The following DNAH6 variants were observed in gnomAD, a reference collection of about 807,000 sequenced individuals.
DNAH6 encodes dynein axonemal heavy chain 6.
A neutral mutation model predicts 491.4 loss-of-function variants in DNAH6; 340 were observed. The observed-to-expected ratio is 0.69, with a 90% CI of 0.63 to 0.76. DNAH6 has a LOEUF of 0.76. Among genes scored for constraint, DNAH6 ranks in the 30% least tolerant of loss-of-function variants. The pLI is 0.00. For synonymous variants in DNAH6, 1,603 were observed against 1,686.1 expected (o/e 0.95, Z 1.21); for missense variants, 4,443 against 4,972.2 (o/e 0.89, Z 3.20).
At chr2:84,728,060 G>A (rs1368650714) in intron 61 of DNAH6, among the ~76,000 whole-genome samples, 158 bp downstream of exon 61, 3 of 152,174 alleles carry the variant, frequency 2.0e-5, no homozygotes, top group African/African-American at 7.2e-5. Flanking sequence ...TACTGTTCTC[G>A]TGGTAGTGAA....
chr2:84,570,776 G>A (rs1681730944), intron 11 of DNAH6, among the ~76,000 whole-genome samples: 1 of 152,102 alleles, frequency 6.6e-6, no homozygotes, highest in Non-Finnish European at 1.5e-5. Flanking sequence ...CAACCCACTC[G>A]GGTCCCCTTC....
At chr2:84,565,418 T>C (rs1681096432) in intron 11 of DNAH6, among the ~76,000 whole-genome samples, 1 of 151,902 alleles carries the variant, frequency 6.6e-6, no homozygotes, top group Non-Finnish European at 1.5e-5. Context: ...TCTGGTTCAG[T>C]CTTGGCAGGT....
chr2:84,815,941 A>T lies in DNAH6; in HGVS notation c.12231A>T (p.Ile4077=). The part of the protein sequence containing the change: ...ASRWDDKEMV[I]EDALPGQMNP... Reference sequence around the variant, plus strand: ...GATGGGATGATAAGGAGATGGTGATAGAAGATGCATTGCCCGGACAGATGA... The same window carrying T: ...GATGGGATGATAAGGAGATGGTGATTGAAGATGCATTGCCCGGACAGATGA... The change falls in exon 76 of 77, where the codon ATA becomes ATT. Residue 4077 remains isoleucine, a synonymous_variant. Coordinates refer to ENST00000389394, the MANE Select transcript of DNAH6 (RefSeq NM_001370.2). The T allele has an allele frequency of 6.4e-7, 1 of 1,551,902 alleles. No individual in the cohort carries two copies.
chr2:84,489,966 A>ATT, the DNAH6 span, among the ~76,000 whole-genome samples: 1 of 152,226 alleles, frequency 6.6e-6, no homozygotes, highest in Non-Finnish European at 1.5e-5. Flanking sequence ...CACTATCAAC[A>ATT]GATGCTTGAA....
At chr2:84,658,574 T>A (rs1369256130) in intron 36 of DNAH6, 100 bp downstream of exon 36, 6 of 891,188 alleles carry the variant, frequency 6.7e-6, no homozygotes, top group African/African-American at 1.7e-5. Flanking sequence ...AACCATTTGA[T>A]TTTTAAGTTA....
chr2:84,760,879 G>A (rs1674512911), intron 63 of DNAH6, among the ~76,000 whole-genome samples: 1 of 152,118 alleles, frequency 6.6e-6, no homozygotes, highest in Non-Finnish European at 1.5e-5. Context: ...CTGAAGTGCT[G>A]GGATTACAGG....
intron 33 of DNAH6, among the ~76,000 whole-genome samples, chr2:84,642,316 A>C (rs1396090452): frequency 6.6e-6 from 1 of 152,208 alleles, no homozygotes; most frequent in Non-Finnish European, 1.5e-5. Flanking sequence ...TAAGTTCCTG[A>C]CCTAAGAGAA....
chr2:84,489,806 T>TA, the DNAH6 span, among the ~76,000 whole-genome samples: 1 of 152,162 alleles, frequency 6.6e-6, no homozygotes, highest in African/African-American at 2.4e-5. Flanking sequence ...GAAGACTTGT[T>TA]AAAAAATGGG....
chr2:84,803,890 A>G (rs1257839818), intron 70 of DNAH6, among the ~76,000 whole-genome samples: 2 of 152,314 alleles, frequency 1.3e-5, no homozygotes, highest in Non-Finnish European at 1.5e-5. Flanking sequence ...TGAAATTCAT[A>G]CAAACATATT....
chr2:84,548,466 T>C (rs1311474214), intron 8 of DNAH6, 49 bp downstream of exon 8: 1 of 1,606,702 alleles, frequency 6.2e-7, no homozygotes, highest in Non-Finnish European at 8.5e-7. Flanking sequence ...CATCTTAAGC[T>C]GCATTAAAAA....
chr2:84,584,573 G>A (rs1683351528), intron 15 of DNAH6: 1 of 223,732 alleles, frequency 4.5e-6, no homozygotes, highest in Non-Finnish European at 8.9e-6. Context: ...AAAAATTAAT[G>A]TTTCAAAATC....
intron 49 of DNAH6, among the ~76,000 whole-genome samples, chr2:84,701,885 T>G (rs150250547): frequency 6.6e-6 from 1 of 152,310 alleles, no homozygotes; most frequent in African/African-American, 2.4e-5. Flanking sequence ...CATGTGCCCC[T>G]GACAACCTAA....
intron 69 of DNAH6, 113 bp from the exon 70 acceptor site, chr2:84,797,424 A>T: frequency 2.0e-6 from 2 of 990,478 alleles, no homozygotes; most frequent in Non-Finnish European, 2.9e-6. Context: ...CCCCCTTTCT[A>T]CATGAGCCAG....
At chr2:84,683,959 G>A (rs148778928) in intron 42 of DNAH6, among the ~76,000 whole-genome samples, 127 of 152,228 alleles carry the variant, frequency 8.3e-4, no homozygotes, top group African/African-American at 3.0e-3. Flanking sequence ...TAGGCATTAA[G>A]AACCCTGCAG....
chr2:84,761,789 T>TACACACACACACACACACATAC (rs1674603339), intron 63 of DNAH6, among the ~76,000 whole-genome samples: 2 of 141,784 alleles, frequency 1.4e-5, no homozygotes, highest in Non-Finnish European at 3.1e-5. Flanking sequence ...CACACACACA[T>TACACACACACACACACACATAC]ACACACACAC....
chr2:84,586,481 A>G (rs181972709), intron 15 of DNAH6, among the ~76,000 whole-genome samples: 2 of 152,294 alleles, frequency 1.3e-5, no homozygotes, highest in East Asian at 1.9e-4. Context: ...CCTAAGATTT[A>G]TGCATATTGC....
intron 29 of DNAH6, among the ~76,000 whole-genome samples, chr2:84,626,920 T>C (rs1240520637): frequency 6.6e-6 from 1 of 152,192 alleles, no homozygotes; most frequent in Non-Finnish European, 1.5e-5. Flanking sequence ...CCATTATTTT[T>C]CTAACTACTG....
In DNAH6 at chr2:84,557,727, T is replaced by C; in HGVS notation, c.1603-8T>C. 6.5e-7 allele frequency: 1 copy of C among 1,543,888 alleles called. No individual in the cohort carries two copies. ...TCACATTTATGTTTATGCTTTTCTC[T>C]TTAACAGGATGGTATTTTGGGTGCA... On this transcript the variant is annotated splice_region_variant and splice_polypyrimidine_tract_variant and intron_variant, in intron 10 of 76. Coordinates refer to ENST00000389394, the MANE Select transcript of DNAH6 (RefSeq NM_001370.2).
chr2:84,494,461 A>G, the DNAH6 span, among the ~76,000 whole-genome samples: 312 of 152,352 alleles, frequency 2.0e-3, 1 homozygote, highest in Admixed American at 3.9e-3. Flanking sequence ...TTCAGTCCCA[A>G]GAGCCATTTT....
Sources: allele counts gnomAD v4.1 joint callset (sites outside exome capture counted in the v4.1 genomes callset), GRCh38; gene constraint gnomAD v4.1.1; transcripts MANE v1.5; gene names NCBI Gene and HGNC (gene_info 2026-07-23, HGNC 2026-07-21).